Variants in ITFG1 observed in about 807,000 individuals in gnomAD.
The protein encoded by ITFG1 is T-cell immunomodulatory protein.
In ITFG1, 34 loss-of-function variants were observed where a neutral mutation model predicts 81.8. The ratio of observed to expected loss-of-function variants is 0.42; its 90% confidence interval spans 0.32 to 0.55. The LOEUF (loss-of-function observed/expected upper bound fraction) is 0.55. ITFG1 is among the 20% of genes least tolerant of loss of function. The pLI is 0.17. For missense variants in ITFG1, 672 were observed against 755.4 expected (o/e 0.89, Z 1.29); for synonymous variants, 285 against 270.6 (o/e 1.05, Z -0.52).
chr16:47,210,617 C>T (rs1384329374), intron 14 of ITFG1, among the ~76,000 whole-genome samples: 2 of 152,116 alleles, frequency 1.3e-5, no homozygotes, highest in African/African-American at 4.8e-5. Context: ...AGAAAATATC[C>T]TCATGATTCT....
At chr16:47,258,550 C>T (rs982177179) in intron 12 of ITFG1, 82 bp downstream of exon 12, 5 of 695,528 alleles carry the variant, frequency 7.2e-6, no homozygotes, top group Admixed American at 5.1e-5. Context: ...GGTTGTACAT[C>T]GGAGCATGTC....
chr16:47,300,719 T>G (rs1967062666), intron 10 of ITFG1, among the ~76,000 whole-genome samples: 3 of 152,204 alleles, frequency 2.0e-5, no homozygotes, highest in Non-Finnish European at 4.4e-5. Context: ...GAGTTTAATA[T>G]AAAAAAGACA....
chr16:47,376,035 A>T, intron 6 of ITFG1, 95 bp from the exon 7 acceptor site: 4 of 647,140 alleles, frequency 6.2e-6, no homozygotes, highest in Non-Finnish European at 1.1e-5. Flanking sequence ...AAAAGAATTG[A>T]CACAATTCTA....
chr16:47,212,970 T>C (rs1294820064), intron 14 of ITFG1, among the ~76,000 whole-genome samples: 7 of 152,222 alleles, frequency 4.6e-5, no homozygotes, highest in Non-Finnish European at 1.0e-4. Context: ...TTTCTATTCA[T>C]AGGTTGTTGA....
intron 14 of ITFG1, among the ~76,000 whole-genome samples, chr16:47,180,961 T>A (rs1384130762): frequency 7.2e-6 from 1 of 138,770 alleles, no homozygotes; most frequent in Admixed American, 7.2e-5. Flanking sequence ...CGGCCGCCCA[T>A]CATCTGGGAT....
Position 47,218,859 on chromosome 16 carries a change from TG to T in ITFG1, c.1453+8del. Reference sequence around the variant, plus strand: ...TTTTATACATTATGGACAATGTATCTGGTCTTACCTGATCCATTTTTCAGAT... The same window carrying T: ...TTTTATACATTATGGACAATGTATCTGTCTTACCTGATCCATTTTTCAGAT... On this transcript the variant is annotated splice_region_variant and intron_variant, in intron 14 of 17. Transcript: ENST00000320640. 1 of 1,519,552 alleles carries T rather than the reference TG, an allele frequency of 6.6e-7. No homozygotes were observed. Among genetic ancestry groups the T allele is most frequent in the Non-Finnish European group, 9.0e-7 (1 of 1,113,456 alleles). 94.1% of individuals were successfully genotyped at this position (1,519,552 alleles called of 1,614,324 possible). A position where few individuals can be genotyped will look rare whatever the true frequency, so the allele number is the denominator to read the frequency against.
chr16:47,303,743 C>T (rs1435138076), intron 10 of ITFG1, among the ~76,000 whole-genome samples: 1 of 152,174 alleles, frequency 6.6e-6, no homozygotes, highest in Non-Finnish European at 1.5e-5. Context: ...CCTACTCAGG[C>T]CTCCTGAGTC....
intron 10 of ITFG1, among the ~76,000 whole-genome samples, chr16:47,265,184 T>C (rs949283773): frequency 7.2e-5 from 11 of 152,032 alleles, no homozygotes; most frequent in African/African-American, 2.2e-4. Flanking sequence ...TTTTATTTTT[T>C]TTTTTTAAAT....
intron 6 of ITFG1, among the ~76,000 whole-genome samples, chr16:47,424,983 G>A (rs528009971): frequency 8.5e-5 from 13 of 152,194 alleles, no homozygotes; most frequent in Non-Finnish European, 1.6e-4. Flanking sequence ...TGTCAGACAG[G>A]GATGTTTAAG....
At chr16:47,161,924 G>A (rs990001473) in intron 15 of ITFG1, 92 bp from the exon 16 acceptor site, 3 of 820,260 alleles carry the variant, frequency 3.7e-6, no homozygotes, top group Non-Finnish European at 6.0e-6. Context: ...TAGCTACTTT[G>A]AGAAATTCAA....
At chr16:47,157,121 AAG>A (rs1159040836) in intron 17 of ITFG1, among the ~76,000 whole-genome samples, 1 of 152,160 alleles carries the variant, frequency 6.6e-6, no homozygotes, top group Non-Finnish European at 1.5e-5. Context: ...TAGGTTAAGT[AAG>A]AGAGATGAAG....
chr16:47,307,823 T>G (rs1183508201), intron 10 of ITFG1, among the ~76,000 whole-genome samples: 1 of 152,150 alleles, frequency 6.6e-6, no homozygotes, highest in Admixed American at 6.5e-5. Flanking sequence ...TAGTTCCCAG[T>G]GTCTACTGTT....
At chr16:47,276,496 AT>A (rs969953299) in intron 10 of ITFG1, among the ~76,000 whole-genome samples, 4 of 152,094 alleles carry the variant, frequency 2.6e-5, no homozygotes, top group Admixed American at 2.6e-4. Context: ...AGTCAACAGA[AT>A]TTTTTTTGGT....
At chr16:47,291,199 A>G (rs943173238) in intron 10 of ITFG1, among the ~76,000 whole-genome samples, 6 of 152,130 alleles carry the variant, frequency 3.9e-5, no homozygotes, top group African/African-American at 1.4e-4. Flanking sequence ...CGTATCATGT[A>G]AAACAATTAT....
chr16:47,394,223 T>C (rs1353681250), intron 6 of ITFG1, among the ~76,000 whole-genome samples: 1 of 152,232 alleles, frequency 6.6e-6, no homozygotes. Flanking sequence ...CAAAGCCATC[T>C]GGAAGATACA....
rs781638844 is a variant in ITFG1, at chr16:47,162,660, G to C, written c.1458C>G (p.Gly486=). The C allele has an allele frequency of 6.3e-6, 10 of 1,595,066 alleles. No homozygotes were observed. Among genetic ancestry groups the C allele is most frequent in the Middle Eastern group, 3.3e-4 (2 of 5,982 alleles). The change falls in exon 15 of 18, where the codon GGC becomes GGG. Residue 486 remains glycine (G), a synonymous_variant. Transcript: ENST00000320640. ...ANGYLKNGSA[G]QLSQSAHLAL... Reference sequence around the variant, plus strand: ...CTAAATGTGCGGATTGGCTGAGTTGGCCAGCTAGAGTTATTCAATTAAAAA... The same window carrying C: ...CTAAATGTGCGGATTGGCTGAGTTGCCCAGCTAGAGTTATTCAATTAAAAA...
chr16:47,411,719 G>A (rs1189178682), intron 6 of ITFG1, among the ~76,000 whole-genome samples: 1 of 152,150 alleles, frequency 6.6e-6, no homozygotes, highest in Admixed American at 6.5e-5. Context: ...CTGGAGCCAA[G>A]GAAAGATGGG....
chr16:47,417,212 C>T (rs1223056193), intron 6 of ITFG1, among the ~76,000 whole-genome samples: 1 of 152,196 alleles, frequency 6.6e-6, no homozygotes, highest in Non-Finnish European at 1.5e-5. Context: ...CTATATAACA[C>T]AACTACAATA....
In ITFG1 at chr16:47,155,254, T is replaced by C. The variant is rs1415125804; in HGVS notation, c.*465A>G. On this transcript the variant is annotated 3_prime_UTR_variant, in exon 18 of 18. Coordinates refer to ENST00000320640, the MANE Select transcript of ITFG1 (RefSeq NM_030790.5). ...TACCCGATCACTATATTGTATGCCA[T>C]CAGTGAGACCCCTGACCTGCTGTGA... The C allele has an allele frequency of 6.5e-6, 1 of 153,062 alleles. No individual in the cohort carries two copies. Among genetic ancestry groups the C allele is most frequent in the Non-Finnish European group, 1.5e-5 (1 of 68,724 alleles). 9.5% of individuals were successfully genotyped at this position (153,062 alleles called of 1,614,324 possible).
Sources: gnomAD v4.1 joint callset for allele counts (sites outside exome capture counted in the v4.1 genomes callset) on GRCh38, gnomAD v4.1.1 for gene constraint, MANE v1.5 for transcripts, NCBI Gene and HGNC (gene_info 2026-07-23, HGNC 2026-07-21) for gene names.